Variants in TMPRSS13 observed in about 807,000 individuals in gnomAD.
TMPRSS13 encodes transmembrane protease serine 13.
Under a neutral mutation model 68.4 loss-of-function variants are expected in TMPRSS13, and 50 were observed. That is an observed-to-expected ratio of 0.73 (90% CI 0.58 to 0.93). The LOEUF is 0.93. Ranked by LOEUF, TMPRSS13 falls within the 40% of genes least tolerant of loss-of-function variation. The probability of loss-of-function intolerance (pLI) is 0.00; values close to 1 mark genes in which losing one functional copy is unlikely to be tolerated. For synonymous variants in TMPRSS13, 267 were observed against 285.8 expected (o/e 0.93, Z 0.66); for missense variants, 615 against 729.2 (o/e 0.84, Z 1.80).
At chr11:117,926,911 A>G (rs1239363704) in intron 1 of TMPRSS13, among the ~76,000 whole-genome samples, 1 of 152,242 alleles carries the variant, frequency 6.6e-6, no homozygotes, top group Non-Finnish European at 1.5e-5. Flanking sequence ...ATGCTATTCT[A>G]AATGAGCCTT....
rs967468875 is a variant in TMPRSS13, at chr11:117,922,044, C to T, written c.22-3206G>A. ...ACACCAACCTTCTTTAGGCACTTCA[C>T]GGCCTGCTGCCCCACGCTGCTGGAA... On this transcript the variant is annotated intron_variant, in intron 1 of 12. Coordinates refer to ENST00000524993, the MANE Select transcript of TMPRSS13 (RefSeq NM_001077263.3). This position sits in a 1 kb window ranked among gnomAD's most constrained non-coding sequence, Gnocchi z 4.2. 6.6e-5 allele frequency among the ~76,000 whole-genome samples: 10 copies of T among 152,186 alleles called. No homozygotes were observed. The highest frequency in any genetic ancestry group is 2.2e-4 in the African/African-American group (9 of 41,442).
At chr11:117,904,918 G>A (rs963671069) in intron 10 of TMPRSS13, among the ~76,000 whole-genome samples, 1 of 122,196 alleles carries the variant, frequency 8.2e-6, no homozygotes, top group South Asian at 2.8e-4. Context: ...TAATTGAGAC[G>A]GGTTTCACTC....
chr11:117,924,937 G>C (rs924679529), intron 1 of TMPRSS13, among the ~76,000 whole-genome samples: 6 of 152,116 alleles, frequency 3.9e-5, no homozygotes, highest in Non-Finnish European at 5.9e-5. Context: ...GAAGGGGCCA[G>C]AGCTGCAGGG....
intron 5 of TMPRSS13, 142 bp downstream of exon 5, chr11:117,913,635 C>A (rs1173208113): frequency 9.7e-7 from 1 of 1,029,518 alleles, no homozygotes; most frequent in Non-Finnish European, 1.4e-6. Context: ...CTGAACACCT[C>A]GAGGGTGTCC....
chr11:117,907,934 G>A lies in TMPRSS13; in HGVS notation c.1282+678C>T, dbSNP rs534842780. 1.2e-3 allele frequency: 1,192 copies of A among 985,316 alleles called. 1 individual carries two copies. The highest frequency in any genetic ancestry group is 2.1e-3 in the Middle Eastern group (4 of 1,914). 61.0% of individuals were successfully genotyped at this position (985,316 alleles called of 1,614,324 possible). On this transcript the variant is annotated intron_variant, in intron 9 of 12. Coordinates refer to ENST00000524993, the MANE Select transcript of TMPRSS13 (RefSeq NM_001077263.3). ...ATGAATGAATGAAGTCTTCTTTGAC[G>A]TCCCCTGTCCACAGTGATCTTCTGA...
At chr11:117,902,780 A>C (rs1174070129) in intron 12 of TMPRSS13, among the ~76,000 whole-genome samples, 3 of 152,228 alleles carry the variant, frequency 2.0e-5, no homozygotes, top group African/African-American at 7.2e-5. Context: ...ATTCATCCTT[A>C]ATTTATAACA....
intron 10 of TMPRSS13, among the ~76,000 whole-genome samples, chr11:117,904,871 AT>A (rs2057448094): frequency 1.9e-4 from 2 of 10,656 alleles, no homozygotes; most frequent in Admixed American, 2.1e-3. Context: ...TTATATATAT[AT>A]ATATATATAT....
intron 12 of TMPRSS13, chr11:117,903,439 A>T (rs759315046): frequency 6.5e-7 from 1 of 1,536,584 alleles, no homozygotes; most frequent in South Asian, 1.2e-5. Flanking sequence ...ACCCTTTTTC[A>T]ACCCGCTGAG....
At chr11:117,904,271 C>A (rs985229312) in intron 10 of TMPRSS13, among the ~76,000 whole-genome samples, 170 bp from the exon 11 acceptor site, 1 of 152,200 alleles carries the variant, frequency 6.6e-6, no homozygotes, top group African/African-American at 2.4e-5. Flanking sequence ...TGTGGTTGGA[C>A]ACCCAGGACA....
At chr11:117,906,184 C>T (rs920414396) in intron 9 of TMPRSS13, among the ~76,000 whole-genome samples, 5 of 152,196 alleles carry the variant, frequency 3.3e-5, no homozygotes, top group Non-Finnish European at 7.3e-5. Context: ...CCTGGTCTGG[C>T]GAGGGTACCC....
intron 1 of TMPRSS13, among the ~76,000 whole-genome samples, chr11:117,921,803 A>C (rs1365633186): frequency 6.6e-6 from 1 of 152,100 alleles, no homozygotes; most frequent in African/African-American, 2.4e-5. Context: ...GCAAGAGGAG[A>C]GTTCTGGAGC....
chr11:117,924,815 C>T (rs2057688188), intron 1 of TMPRSS13, among the ~76,000 whole-genome samples: 1 of 152,192 alleles, frequency 6.6e-6, no homozygotes, highest in South Asian at 2.1e-4. Flanking sequence ...AGGCTCTCCT[C>T]AGCACACAGG....
intron 6 of TMPRSS13, among the ~76,000 whole-genome samples, 158 bp from the exon 7 acceptor site, chr11:117,910,908 A>G (rs1489102496): frequency 1.3e-5 from 2 of 152,112 alleles, no homozygotes; most frequent in African/African-American, 4.8e-5. Flanking sequence ...TCCCCATGTG[A>G]CATTGTCCCT....
intron 3 of TMPRSS13, among the ~76,000 whole-genome samples, chr11:117,916,313 T>C (rs1390414047): frequency 6.6e-6 from 1 of 152,244 alleles, no homozygotes; most frequent in Non-Finnish European, 1.5e-5. Context: ...TTTCCCACAT[T>C]TTCTGTGGCT....
At position 117,903,630 on chromosome 11, in the gene TMPRSS13, C is replaced by T. The variant is rs761391285; in HGVS notation, c.1677+25G>A. The T allele has an allele frequency of 3.1e-6, 5 of 1,613,892 alleles. No homozygotes were observed. The African/African-American group carries it at 6.7e-5, about 22-fold the overall frequency. On this transcript the variant is annotated intron_variant, in intron 12 of 12. Transcript: ENST00000524993. ...GAGGAAGTTCCCAGCCTGCTGGGTG[C>T]AGTGTCCTGCTGCAGGGATCTTACC...
At position 117,905,689 on chromosome 11, in the gene TMPRSS13, G is replaced by T; in HGVS notation, c.1330C>A (p.Leu444Ile). ...CCTGTGATCCAGCAGGTCTCATTGA[G>T]GCTAAAGGTCTGTCCATGCATGGGG... ...CLPMHGQTFS[L>I]NETCWITGFG... The change falls in exon 10 of 13, where the codon CTC becomes ATC. Residue 444 changes from leucine to isoleucine, a missense_variant. By Grantham distance (5) the Leu-to-Ile change is conservative. Transcript: ENST00000524993. The T allele has an allele frequency of 6.2e-7, 1 of 1,606,670 alleles. No homozygotes were observed. Among genetic ancestry groups the T allele is most frequent in the South Asian group, 1.1e-5 (1 of 89,466 alleles).
intron 1 of TMPRSS13, among the ~76,000 whole-genome samples, chr11:117,926,176 G>A (rs1449139071): frequency 1.5e-5 from 2 of 132,156 alleles, no homozygotes; most frequent in South Asian, 2.8e-4. Flanking sequence ...ACACCTGCAG[G>A]GGCATAGGGC....
intron 7 of TMPRSS13, 169 bp downstream of exon 7, chr11:117,910,538 G>C (rs2057512100): frequency 1.7e-6 from 1 of 582,896 alleles, no homozygotes; most frequent in South Asian, 2.7e-5. Context: ...ATGTTACCCT[G>C]GGTGTACCGG....
chr11:117,916,479 AT>A lies in TMPRSS13; in HGVS notation c.556+690del, dbSNP rs1375799386. Among the ~76,000 whole-genome samples, 3 of 152,208 alleles carry A rather than the reference AT, an allele frequency of 2.0e-5. No homozygotes were observed. In the East Asian group the frequency reaches 5.8e-4, roughly 29 times the overall value. On this transcript the variant is annotated intron_variant, in intron 3 of 12. Coordinates refer to ENST00000524993, the MANE Select transcript of TMPRSS13 (RefSeq NM_001077263.3). Reference sequence around the variant, plus strand: ...CACTCAAATGCATTTGCCCTTCAAAATTTCCAGCTATTCCCCCAGGAGACTG... The same window carrying A: ...CACTCAAATGCATTTGCCCTTCAAAATTCCAGCTATTCCCCCAGGAGACTG...
Sources: allele counts gnomAD v4.1 joint callset (sites outside exome capture counted in the v4.1 genomes callset), GRCh38; gene constraint gnomAD v4.1.1; non-coding constraint Gnocchi (gnomAD v3.1); transcripts MANE v1.5; gene names NCBI Gene and HGNC (gene_info 2026-07-23, HGNC 2026-07-21).